Variants in B3GNT4 observed in about 807,000 individuals in gnomAD.
B3GNT4 encodes the protein UDP-GlcNAc:betaGal beta-1,3-N-acetylglucosaminyltransferase 4.
B3GNT4 carries 2 observed loss-of-function variants against 2.7 expected under a neutral mutation model. That is an observed-to-expected ratio of 0.73 (90% CI 0.30 to 2.31). The LOEUF (loss-of-function observed/expected upper bound fraction) is 2.31. B3GNT4 is among the 30% of genes most tolerant of loss of function. The pLI, the probability that B3GNT4 is intolerant of heterozygous loss-of-function variation, is 0.12. For synonymous variants in B3GNT4, 280 were observed against 203.4 expected (o/e 1.38, Z -3.20); for missense variants, 708 against 490.9 (o/e 1.44, Z -4.18).
chr12:122,208,441 T>C lies in B3GNT4; in HGVS notation c.*1053T>C, dbSNP rs1223091168. 35 of 1,613,888 alleles carry C rather than the reference T, an allele frequency of 2.2e-5. No homozygotes were observed. The highest frequency in any genetic ancestry group is 2.9e-5 in the Non-Finnish European group (34 of 1,180,040). On this transcript the variant is annotated 3_prime_UTR_variant, in exon 3 of 3. Coordinates refer to ENST00000324189, the MANE Select transcript of B3GNT4 (RefSeq NM_030765.4). ...CAGCCCGCTCCTCCCCTTCCTCCTG[T>C]GTTTTCTGACGGAGCTCTTCTATCT...
chr12:122,207,776 A>G lies in B3GNT4; in HGVS notation c.*388A>G, dbSNP rs1363236584. 7 of 471,798 alleles carry G rather than the reference A, an allele frequency of 1.5e-5. No homozygotes were observed. The Admixed American group carries it at 1.6e-4, about 11-fold the overall frequency. 29.2% of individuals were successfully genotyped at this position (471,798 alleles called of 1,614,324 possible). On this transcript the variant is annotated 3_prime_UTR_variant, in exon 3 of 3. Transcript: ENST00000324189. Reference sequence around the variant, plus strand: ...AAGGAAGGAACAAGAGGCCTGTGTTAAGTCCTGTTGATGTTAAGTCCTGTT... The same window carrying G: ...AAGGAAGGAACAAGAGGCCTGTGTTGAGTCCTGTTGATGTTAAGTCCTGTT...
At position 122,206,391 on chromosome 12, in the gene B3GNT4, TCTTC is replaced by T. The variant is rs1340770262; in HGVS notation, c.143_146del (p.Phe48Ter). 16 of 1,612,620 alleles carry T rather than the reference TCTTC, an allele frequency of 9.9e-6. No individual in the cohort carries two copies. Among genetic ancestry groups the T allele is most frequent in the Non-Finnish European group, 1.2e-5 (14 of 1,179,782 alleles). ...GCTGTGCTGTTGCTCGGCTGCCTGC[TCTTC>T]CTGAGGAAGGCGGCCAAGCCCGCAG... On this transcript the variant is annotated frameshift_variant, in exon 3 of 3. Transcript: ENST00000324189. LOFTEE classifies it low-confidence loss of function (END_TRUNC).
Position 122,208,876 on chromosome 12 carries a change from T to C in B3GNT4, c.*1488T>C. 1 of 450,252 alleles carries C rather than the reference T, an allele frequency of 2.2e-6. No homozygotes were observed. The highest frequency in any genetic ancestry group is 4.2e-6 in the Non-Finnish European group (1 of 236,714). 27.9% of individuals were successfully genotyped at this position (450,252 alleles called of 1,614,324 possible). The stretch of plus-strand genomic sequence containing the variant: ...CAGAGCTTTTAGTACAGACCTTTGA[T>C]TAATTTTTTTAACTACACATCTTCC... On this transcript the variant is annotated 3_prime_UTR_variant, in exon 3 of 3. Coordinates refer to ENST00000324189, the MANE Select transcript of B3GNT4 (RefSeq NM_030765.4).
chr12:122,204,405 G>T (rs977904731), intron 1 of B3GNT4, 117 bp from the exon 2 acceptor site: 2 of 524,412 alleles, frequency 3.8e-6, no homozygotes, highest in Non-Finnish European at 6.8e-6. Flanking sequence ...GCGGGACAGG[G>T]GCCACCCGGG....
chr12:122,208,611 CGT>C lies in B3GNT4; in HGVS notation c.*1225_*1226del. The C allele has an allele frequency of 1.2e-6, 2 of 1,603,552 alleles. No homozygotes were observed. Among genetic ancestry groups the C allele is most frequent in the Non-Finnish European group, 1.7e-6 (2 of 1,178,046 alleles). On this transcript the variant is annotated 3_prime_UTR_variant, in exon 3 of 3. Transcript: ENST00000324189. ...AGATGGGACAATCGGGTTGAGCAGCCGTGCAGGGCGCGGAAGGCTCATGTGGA... is the reference window on the plus strand; with the variant it reads ...AGATGGGACAATCGGGTTGAGCAGCCGCAGGGCGCGGAAGGCTCATGTGGA...
In B3GNT4 at chr12:122,208,094, A is replaced by C; in HGVS notation, c.*706A>C. The C allele has an allele frequency of 3.2e-6, 2 of 626,762 alleles. No individual in the cohort carries two copies. Among genetic ancestry groups the C allele is most frequent in the African/African-American group, 1.8e-5 (1 of 55,652 alleles). 38.8% of individuals were successfully genotyped at this position (626,762 alleles called of 1,614,324 possible). On this transcript the variant is annotated 3_prime_UTR_variant, in exon 3 of 3. Transcript: ENST00000324189. ...AAGGACTCCTCTCTCTGACCCAGGTAGGCAAAATGCTTTGGGTGTGAGGTA... is the reference window on the plus strand; with the variant it reads ...AAGGACTCCTCTCTCTGACCCAGGTCGGCAAAATGCTTTGGGTGTGAGGTA...
rs750960027 is a variant in B3GNT4, at chr12:122,204,574, G to A, written c.-45G>A. 1.9e-6 allele frequency: 3 copies of A among 1,555,468 alleles called. No individual in the cohort carries two copies. Among genetic ancestry groups the A allele is most frequent in the South Asian group, 1.1e-5 (1 of 89,458 alleles). ...ATCTCGCTTCGACCCCGCCGCCGCCGCCGCCCGGCATCCTGAGCACGGAGA... is the reference window on the plus strand; with the variant it reads ...ATCTCGCTTCGACCCCGCCGCCGCCACCGCCCGGCATCCTGAGCACGGAGA... On this transcript the variant is annotated 5_prime_UTR_variant, in exon 2 of 3. Coordinates refer to ENST00000324189, the MANE Select transcript of B3GNT4 (RefSeq NM_030765.4).
intron 2 of B3GNT4, chr12:122,206,115 G>A (rs1415634622): frequency 2.0e-6 from 1 of 506,616 alleles, no homozygotes; most frequent in Non-Finnish European, 3.4e-6. Context: ...TGATGGCAGA[G>A]GAGGGCAAGG....
chr12:122,207,050 T>A lies in B3GNT4; in HGVS notation c.799T>A (p.Tyr267Asn), dbSNP rs1953933926. ...CAAATACTTCATCCCACCCTCAATG[T>A]ACAGGGCCACCCACTACCCACCCTA... ...KVKYFIPPSM[Y>N]RATHYPPYAG... The change falls in exon 3 of 3, where the codon TAC becomes AAC. Residue 267 changes from tyrosine (Y) to asparagine (N), a missense_variant. Transcript: ENST00000324189. 1.2e-6 allele frequency: 2 copies of A among 1,613,866 alleles called. No individual in the cohort carries two copies. The highest frequency in any genetic ancestry group is 4.5e-5 in the East Asian group (2 of 44,882).
In B3GNT4 at chr12:122,208,632, A is replaced by C; in HGVS notation, c.*1244A>C. Reference sequence around the variant, plus strand: ...CAGCCGTGCAGGGCGCGGAAGGCTCATGTGGACGTTGGCCTGGGGGTGCTG... The same window carrying C: ...CAGCCGTGCAGGGCGCGGAAGGCTCCTGTGGACGTTGGCCTGGGGGTGCTG... On this transcript the variant is annotated 3_prime_UTR_variant, in exon 3 of 3. Transcript: ENST00000324189. 6.3e-7 allele frequency: 1 copy of C among 1,577,834 alleles called. No homozygotes were observed. The highest frequency in any genetic ancestry group is 1.1e-5 in the South Asian group (1 of 88,760).
chr12:122,206,948 G>A lies in B3GNT4; in HGVS notation c.697G>A (p.Asp233Asn). ...VHVPNVLEFL[D>N]GWDPAQDLLV... The stretch of plus-strand genomic sequence containing the variant: ...CGTCCCCAACGTGTTAGAGTTCCTG[G>A]ATGGCTGGGACCCAGCCCAGGACCT... The change falls in exon 3 of 3, where the codon GAT becomes AAT. Residue 233 changes from aspartate to asparagine, a missense_variant. Transcript: ENST00000324189. 1 of 1,614,078 alleles carries A rather than the reference G, an allele frequency of 6.2e-7. No individual in the cohort carries two copies. The highest frequency in any genetic ancestry group is 1.3e-5 in the African/African-American group (1 of 75,014).
Position 122,207,656 on chromosome 12 carries a change from G to A in B3GNT4, c.*268G>A, listed in dbSNP as rs1392241878. ...GCAGTCTGGGACCTCAAGGAAGGAG[G>A]CTGCATAGGACCCCAGGAGAGACGC... On this transcript the variant is annotated 3_prime_UTR_variant, in exon 3 of 3. Transcript: ENST00000324189. The A allele has an allele frequency of 1.6e-6, 1 of 641,008 alleles. No homozygotes were observed. The allele number at this position is 641,008 out of a possible 1,614,324, so 39.7% of individuals were successfully genotyped here.
chr12:122,206,030 C>T, intron 2 of B3GNT4: 4 of 393,992 alleles, frequency 1.0e-5, no homozygotes, highest in Non-Finnish European at 1.3e-5. Context: ...GGAAGAATGG[C>T]TGGGAACGTT....
chr12:122,206,993 C>T lies in B3GNT4; in HGVS notation c.742C>T (p.Arg248Cys), dbSNP rs746769802. 65 of 1,613,866 alleles carry T rather than the reference C, an allele frequency of 4.0e-5. No homozygotes were observed. The highest frequency in any genetic ancestry group is 5.2e-5 in the Non-Finnish European group (61 of 1,179,982). Residue 248 changes from arginine to cysteine, a missense_variant, in exon 3 of 3, where the codon CGC becomes TGC. Transcript: ENST00000324189. ...GGACCTCCTGGTGGGAGATGTCATC[C>T]GCCAAGCCCTGCCCAACAGGAACAC... ...AQDLLVGDVI[R>C]QALPNRNTKV...
chr12:122,204,827 G>T (rs1296507614), intron 2 of B3GNT4, 143 bp downstream of exon 2: 6 of 679,062 alleles, frequency 8.8e-6, no homozygotes, highest in Non-Finnish European at 1.3e-5. Context: ...ATCGCTTGAG[G>T]CCAGGAGTTC....
intron 1 of B3GNT4, among the ~76,000 whole-genome samples, chr12:122,204,300 C>T (rs1235244434): frequency 6.6e-6 from 1 of 151,900 alleles, no homozygotes; most frequent in South Asian, 2.1e-4. Context: ...CGGGGTCGTG[C>T]GCTCCGCGGC....
At chr12:122,205,892 C>T in intron 2 of B3GNT4, 1 of 164,964 alleles carries the variant, frequency 6.1e-6, no homozygotes, top group Non-Finnish European at 1.3e-5. Context: ...CCACAGGCAC[C>T]AAGCTTTTTT....
Position 122,206,546 on chromosome 12 carries a change from T to C in B3GNT4, c.295T>C (p.Tyr99His), listed in dbSNP as rs745447616. The C allele has an allele frequency of 3.1e-6, 5 of 1,614,236 alleles. No homozygotes were observed. Among genetic ancestry groups the C allele is most frequent in the Non-Finnish European group, 1.7e-6 (2 of 1,180,042 alleles). ...TAGCCGTCACCGTCTCTTCTTGACC[T>C]ATCGTCACTGCCGAAATTTCTCTAT... is the stretch of plus-strand genomic sequence containing the variant. ...LPSRHRLFLTYRHCRNFSILL... is the reference protein window; with the variant it reads ...LPSRHRLFLTHRHCRNFSILL... Residue 99 changes from tyrosine (Y) to histidine (H), a missense_variant, in exon 3 of 3, where the codon TAT (tyrosine) becomes CAT (histidine). Coordinates refer to ENST00000324189, the MANE Select transcript of B3GNT4 (RefSeq NM_030765.4).
At position 122,207,336 on chromosome 12, in the gene B3GNT4, T is replaced by C; in HGVS notation, c.1085T>C (p.Leu362Pro). 2 of 1,606,088 alleles carry C rather than the reference T, an allele frequency of 1.2e-6. No individual in the cohort carries two copies. The highest frequency in any genetic ancestry group is 1.1e-5 in the South Asian group (1 of 90,178). ...CTCGAGATGTGGACCATGTGGGCACTGGTGACAGATGAGGGGCTCAAGTGT... is the reference window on the plus strand; with the variant it reads ...CTCGAGATGTGGACCATGTGGGCACCGGTGACAGATGAGGGGCTCAAGTGT... Reference protein sequence around the residue: ...SPLEMWTMWALVTDEGLKCAA... With the variant: ...SPLEMWTMWAPVTDEGLKCAA... The change falls in exon 3 of 3, where the codon CTG becomes CCG. Residue 362 changes from leucine (L) to proline (P), a missense_variant. By Grantham distance (98) the Leu-to-Pro change is moderately conservative (BLOSUM62 -3). Coordinates refer to ENST00000324189, the MANE Select transcript of B3GNT4 (RefSeq NM_030765.4).
Sources: gnomAD v4.1 joint callset for allele counts (sites outside exome capture counted in the v4.1 genomes callset) on GRCh38, gnomAD v4.1.1 for gene constraint, MANE v1.5 for transcripts, NCBI Gene and HGNC (gene_info 2026-07-23, HGNC 2026-07-21) for gene names.